Variants in PTPRD observed in about 807,000 individuals in gnomAD.
PTPRD encodes protein tyrosine phosphatase receptor type D.
PTPRD carries 34 observed loss-of-function variants against 214.5 expected under a neutral mutation model. That is an observed-to-expected ratio of 0.16 (90% CI 0.12 to 0.21). The LOEUF (loss-of-function observed/expected upper bound fraction) is 0.21. Among genes scored for constraint, PTPRD ranks in the 10% least tolerant of loss-of-function variants. PTPRD has a pLI of 1.00. For missense variants in PTPRD, 2,545 were observed against 2,398.7 expected (o/e 1.06, Z -1.27); for synonymous variants, 1,128 against 845.7 (o/e 1.33, Z -5.79).
intron 2 of PTPRD, among the ~76,000 whole-genome samples, chr9:10,375,414 T>C (rs1449266713): frequency 6.6e-6 from 1 of 152,062 alleles, no homozygotes; most frequent in Non-Finnish European, 1.5e-5. Context: ...CTTCATGTCC[T>C]CTGAATTTAA....
intron 9 of PTPRD, among the ~76,000 whole-genome samples, chr9:9,344,162 T>C (rs1390898072): frequency 6.6e-6 from 1 of 152,170 alleles, no homozygotes; most frequent in Non-Finnish European, 1.5e-5. Flanking sequence ...CATCTTTTTG[T>C]TCAAGTCCCT....
In PTPRD at chr9:8,518,114, G is replaced by A. The variant is rs1564007461; in HGVS notation, c.1277C>T (p.Ala426Val). The change falls in exon 21 of 46, where the codon GCA becomes GTA. Residue 426 changes from alanine to valine, a missense_variant. Transcript: ENST00000381196. Reference protein sequence around the residue: ...APSSAPRDVQARMLSSTTILV... With the variant: ...APSSAPRDVQVRMLSSTTILV... ...AATGGTGGTCGAACTCAACATTCGT[G>A]CCTGGACATCCCTCGGGGCACTGGA... 5 of 1,614,144 alleles carry A rather than the reference G, an allele frequency of 3.1e-6. No homozygotes were observed. The Admixed American group carries it at 5.0e-5, about 16-fold the overall frequency.
At chr9:9,724,008 C>A (rs974908257) in intron 7 of PTPRD, among the ~76,000 whole-genome samples, 11 of 152,134 alleles carry the variant, frequency 7.2e-5, no homozygotes, top group African/African-American at 2.6e-4. Context: ...CTCAATTGCC[C>A]TGGCTAGAAC....
chr9:9,979,719 A>G (rs1023559484), intron 4 of PTPRD, among the ~76,000 whole-genome samples: 4 of 152,198 alleles, frequency 2.6e-5, no homozygotes, highest in Non-Finnish European at 5.9e-5. Flanking sequence ...AATTCTGACT[A>G]AAGATTGCAA....
At chr9:9,349,979 T>C (rs546492360) in intron 9 of PTPRD, among the ~76,000 whole-genome samples, 8 of 152,218 alleles carry the variant, frequency 5.3e-5, no homozygotes, top group South Asian at 2.1e-4. Flanking sequence ...AGTATCAGCA[T>C]AGATGTAACC....
chr9:9,966,585 A>C (rs568204356), intron 4 of PTPRD, among the ~76,000 whole-genome samples: 12 of 152,296 alleles, frequency 7.9e-5, no homozygotes, highest in African/African-American at 2.9e-4. Flanking sequence ...TGCCCTGCTT[A>C]TTATCTGAAT....
chr9:8,910,238 C>T (rs1376799638), intron 11 of PTPRD, among the ~76,000 whole-genome samples: 6 of 151,914 alleles, frequency 3.9e-5, no homozygotes, highest in East Asian at 1.9e-4. Context: ...GGGATTTCAC[C>T]GTGTTAGCCA....
At chr9:9,049,827 A>G (rs987796714) in intron 10 of PTPRD, among the ~76,000 whole-genome samples, 1 of 152,210 alleles carries the variant, frequency 6.6e-6, no homozygotes, top group African/African-American at 2.4e-5. Context: ...TTATTGTTAG[A>G]AATCATGACT....
intron 11 of PTPRD, among the ~76,000 whole-genome samples, chr9:8,841,128 A>G (rs1037998917): frequency 6.6e-6 from 1 of 152,190 alleles, no homozygotes; most frequent in Non-Finnish European, 1.5e-5. Flanking sequence ...CTGCCCTATC[A>G]TAATACTCCT....
At chr9:10,587,441 T>C (rs538341978) in intron 2 of PTPRD, among the ~76,000 whole-genome samples, 2 of 152,146 alleles carry the variant, frequency 1.3e-5, no homozygotes, top group Admixed American at 6.5e-5. Context: ...ACAGAATCCA[T>C]ATCATAAGAG....
rs540703564 is a variant in PTPRD, at chr9:10,230,545, T to G, written c.-545+110418A>C. On this transcript the variant is annotated intron_variant, in intron 3 of 45. Transcript: ENST00000381196. ...AAGCACTGAGATCAGGGAAATGTAT[T>G]TGTGGTTCCTTGGACCCTGAGATTT... 5.9e-5 allele frequency among the ~76,000 whole-genome samples: 9 copies of G among 152,000 alleles called. No individual in the cohort carries two copies. The East Asian group carries it at 1.8e-3, about 30-fold the overall frequency.
chr9:9,788,106 T>A (rs534183335), intron 5 of PTPRD, among the ~76,000 whole-genome samples: 338 of 151,618 alleles, frequency 2.2e-3, no homozygotes, highest in African/African-American at 7.8e-3. Flanking sequence ...TTACAATCAG[T>A]AGACACTTGG....
intron 3 of PTPRD, among the ~76,000 whole-genome samples, chr9:10,287,798 C>T (rs2154398210): frequency 6.6e-6 from 1 of 152,164 alleles, no homozygotes; most frequent in South Asian, 2.1e-4. Context: ...AATTTAGAAG[C>T]ATTCCTTAGG....
intron 11 of PTPRD, among the ~76,000 whole-genome samples, chr9:8,952,385 A>C (rs1390668247): frequency 6.6e-6 from 1 of 152,062 alleles, no homozygotes; most frequent in Non-Finnish European, 1.5e-5. Flanking sequence ...AAAGGAATGC[A>C]CAGGGCAATT....
chr9:10,090,240 T>A (rs370984813), intron 3 of PTPRD, among the ~76,000 whole-genome samples: 1 of 151,608 alleles, frequency 6.6e-6, no homozygotes, highest in Admixed American at 6.6e-5. Context: ...AAATCTAAAT[T>A]TGACTGACTT....
At chr9:9,049,520 G>C (rs1037350049) in intron 10 of PTPRD, among the ~76,000 whole-genome samples, 5 of 152,146 alleles carry the variant, frequency 3.3e-5, no homozygotes, top group Non-Finnish European at 5.9e-5. Context: ...CATGACTATA[G>C]AGTTGAGCTT....
At chr9:10,456,045 C>T (rs2098914458) in intron 2 of PTPRD, among the ~76,000 whole-genome samples, 1 of 151,720 alleles carries the variant, frequency 6.6e-6, no homozygotes, top group Admixed American at 6.6e-5. Context: ...CTCACTAGAA[C>T]CAAGTAGAAA....
chr9:10,017,165 C>G (rs985175523), intron 4 of PTPRD, among the ~76,000 whole-genome samples: 1 of 152,172 alleles, frequency 6.6e-6, no homozygotes, highest in South Asian at 2.1e-4. Context: ...TTAGTTTTGA[C>G]AGTCTGGTGG....
intron 8 of PTPRD, among the ~76,000 whole-genome samples, chr9:9,443,987 G>C (rs998585918): frequency 1.3e-5 from 2 of 152,184 alleles, no homozygotes; most frequent in Admixed American, 1.3e-4. Flanking sequence ...TCTAACTACA[G>C]TGGCAAAATA....
Sources: gnomAD v4.1 joint callset for allele counts (sites outside exome capture counted in the v4.1 genomes callset) on GRCh38, gnomAD v4.1.1 for gene constraint, MANE v1.5 for transcripts, NCBI Gene and HGNC (gene_info 2026-07-23, HGNC 2026-07-21) for gene names.